The following CDK7 variants were observed in gnomAD, a reference collection of about 807,000 sequenced individuals.
The protein encoded by CDK7 is cyclin-dependent kinase 7.
In CDK7, 25 loss-of-function variants were observed where a neutral mutation model predicts 49.1. The ratio of observed to expected loss-of-function variants is 0.51; its 90% CI spans 0.37 to 0.71. The LOEUF is 0.71. Ranked by LOEUF, CDK7 falls within the 30% of genes least tolerant of loss-of-function variation. The pLI, the probability that CDK7 is intolerant of heterozygous loss-of-function variation, is 0.00. For synonymous variants in CDK7, 107 were observed against 140.0 expected, an observed-to-expected ratio of 0.76 and a Z score of 1.67; for missense variants, 316 against 411.7, an observed-to-expected ratio of 0.77 and a Z score of 2.01.
intron 2 of CDK7, among the ~76,000 whole-genome samples, chr5:69,247,817 C>T (rs997772066): frequency 2.0e-5 from 3 of 152,078 alleles, no homozygotes; most frequent in Non-Finnish European, 4.4e-5. Flanking sequence ...AAACTGATGA[C>T]AACACTGATT....
Position 69,259,926 on chromosome 5 carries a change from G to C in CDK7, c.517G>C (p.Val173Leu). 1 of 1,600,164 alleles carries C rather than the reference G, an allele frequency of 6.2e-7. No individual in the cohort carries two copies. The highest frequency in any genetic ancestry group is 1.3e-5 in the African/African-American group (1 of 74,766). The change falls in exon 7 of 12, where the codon GTT (valine) becomes CTT (leucine). Residue 173 changes from valine to leucine, a missense_variant. By Grantham distance (32) the Val-to-Leu change is conservative. Coordinates refer to ENST00000256443, the MANE Select transcript of CDK7 (RefSeq NM_001799.4). Reference sequence around the variant, plus strand: ...CCCCAATAGAGCTTATACACATCAGGTTGTAACCAGGTAAGAATCTCTTAA... The same window carrying C: ...CCCCAATAGAGCTTATACACATCAGCTTGTAACCAGGTAAGAATCTCTTAA... Reference protein sequence around the residue: ...GSPNRAYTHQVVTRWYRAPEL... With the variant: ...GSPNRAYTHQLVTRWYRAPEL...
At chr5:69,258,239 T>C (rs1168829942) in intron 6 of CDK7, 86 bp downstream of exon 6, 3 of 608,712 alleles carry the variant, frequency 4.9e-6, no homozygotes, top group Non-Finnish European at 8.7e-6. Flanking sequence ...GTAAATTGTT[T>C]AACAATGAAT....
intron 2 of CDK7, among the ~76,000 whole-genome samples, chr5:69,246,251 C>G (rs1358073368): frequency 3.3e-5 from 5 of 152,168 alleles, no homozygotes; most frequent in Admixed American, 2.0e-4. Context: ...ATTCTCCTGC[C>G]TCAGCCTCCT....
intron 2 of CDK7, among the ~76,000 whole-genome samples, chr5:69,250,033 C>T (rs962874429): frequency 3.3e-5 from 5 of 152,212 alleles, no homozygotes; most frequent in African/African-American, 9.7e-5. Flanking sequence ...AATTCTCTGA[C>T]TAAAAGGTCA....
At chr5:69,276,735 T>A (rs1199040642) in intron 11 of CDK7, 45 bp downstream of exon 11, 1 of 1,533,150 alleles carries the variant, frequency 6.5e-7, no homozygotes, top group Non-Finnish European at 9.0e-7. Flanking sequence ...TTTAGAAAAC[T>A]CCAAATAGCT....
At chr5:69,267,282 A>G (rs907448053) in intron 8 of CDK7, among the ~76,000 whole-genome samples, 6 of 136,292 alleles carry the variant, frequency 4.4e-5, no homozygotes, top group Middle Eastern at 3.7e-3. Context: ...ATTTTTCTCT[A>G]TAAGGATTCC....
chr5:69,258,564 A>G (rs911940755), intron 6 of CDK7, among the ~76,000 whole-genome samples: 1 of 151,950 alleles, frequency 6.6e-6, no homozygotes, highest in East Asian at 1.9e-4. Context: ...GTATTTTTTT[A>G]GTAGAGACGG....
At chr5:69,267,238 T>C (rs6876783) in intron 8 of CDK7, among the ~76,000 whole-genome samples, 90,640 of 149,304 alleles carry the variant, frequency 0.61, 28,173 homozygotes, top group African/African-American at 0.74. Context: ...TGCCACAAAT[T>C]CCAAACATGT....
At chr5:69,270,093 C>A (rs1409552969) in intron 9 of CDK7, among the ~76,000 whole-genome samples, 1 of 129,572 alleles carries the variant, frequency 7.7e-6, no homozygotes, top group South Asian at 2.6e-4. Flanking sequence ...AATTAAACTT[C>A]TTATTTTGAG....
In CDK7 at chr5:69,276,612, T is replaced by C. The variant is rs750447956; in HGVS notation, c.934T>C (p.Cys312Arg). 6.2e-7 allele frequency: 1 copy of C among 1,614,044 alleles called. No individual in the cohort carries two copies. The highest frequency in any genetic ancestry group is 8.5e-7 in the Non-Finnish European group (1 of 1,179,974). Residue 312 changes from cysteine (C) to arginine (R), a missense_variant, in exon 11 of 12, where the codon TGT (cysteine) becomes CGT (arginine). Transcript: ENST00000256443. ...TPGCQLPRPN[C>R]PVETLKEQSN... ...TGGATGTCAGCTGCCAAGACCAAAC[T>C]GTCCAGTGGAAACCTTAAAGGAGCA...
chr5:69,250,332 C>T (rs1438653059), intron 2 of CDK7, among the ~76,000 whole-genome samples: 1 of 152,150 alleles, frequency 6.6e-6, no homozygotes, highest in African/African-American at 2.4e-5. Context: ...TTCTTATAGA[C>T]TTATAGAGGT....
At chr5:69,252,181 T>A (rs1482705986) in intron 2 of CDK7, among the ~76,000 whole-genome samples, 1 of 152,180 alleles carries the variant, frequency 6.6e-6, no homozygotes, top group Non-Finnish European at 1.5e-5. Flanking sequence ...ATTTTATTAT[T>A]TGAATGTGTA....
chr5:69,236,254 AAAG>A (rs1296088632), intron 2 of CDK7, among the ~76,000 whole-genome samples: 1 of 151,962 alleles, frequency 6.6e-6, no homozygotes. Context: ...AAAAAAAAAA[AAAG>A]ATTTGGGTCA....
intron 9 of CDK7, among the ~76,000 whole-genome samples, chr5:69,272,680 C>T (rs1009173274): frequency 5.9e-5 from 9 of 151,796 alleles, no homozygotes; most frequent in African/African-American, 1.9e-4. Flanking sequence ...TTGATGTCCA[C>T]ATATTTATTG....
intron 1 of CDK7, 34 bp downstream of exon 1, chr5:69,235,075 A>G (rs1469074891): frequency 1.9e-6 from 3 of 1,567,154 alleles, no homozygotes; most frequent in South Asian, 1.2e-5. Context: ...GAGGGCCCCA[A>G]GCGGACAGCC....
chr5:69,247,929 T>C (rs1035235326), intron 2 of CDK7, among the ~76,000 whole-genome samples: 1 of 152,258 alleles, frequency 6.6e-6, no homozygotes, highest in Non-Finnish European at 1.5e-5. Flanking sequence ...TTATTGTTTT[T>C]GATTGGTTCA....
At chr5:69,248,145 C>G (rs1749879719) in intron 2 of CDK7, among the ~76,000 whole-genome samples, 5 of 152,152 alleles carry the variant, frequency 3.3e-5, no homozygotes, top group Admixed American at 3.3e-4. Context: ...TAAAATCTCT[C>G]AGCTTTTGTT....
At chr5:69,272,867 T>C in intron 9 of CDK7, 25 bp from the exon 10 acceptor site, 1 of 1,516,248 alleles carries the variant, frequency 6.6e-7, no homozygotes, top group East Asian at 2.3e-5. Context: ...ATCCTTAAGT[T>C]TGAATTACAA....
intron 2 of CDK7, chr5:69,250,870 AG>A (rs1393571474): frequency 2.2e-6 from 1 of 456,528 alleles, no homozygotes; most frequent in Non-Finnish European, 4.4e-6. Context: ...TTCAGGGCCC[AG>A]GGGCTCTATA....
Sources: allele counts gnomAD v4.1 joint callset (sites outside exome capture counted in the v4.1 genomes callset), GRCh38; gene constraint gnomAD v4.1.1; transcripts MANE v1.5; gene names NCBI Gene and HGNC (gene_info 2026-07-23, HGNC 2026-07-21).